RFX2: variants seen among roughly 807,000 people sequenced by gnomAD.
RFX2 encodes regulatory factor X2.
RFX2 carries 20 observed loss-of-function variants against 87.8 expected under a neutral mutation model. The observed-to-expected ratio is 0.23, with a 90% CI of 0.16 to 0.33. The LOEUF is 0.33. RFX2 is among the 10% of genes least tolerant of loss of function. The pLI is 1.00. For synonymous variants in RFX2, 397 were observed against 431.3 expected (o/e 0.92, Z 0.98); for missense variants, 767 against 1,012.3 (o/e 0.76, Z 3.29).
rs1036726223 is a variant in RFX2, at chr19:6,047,558, C to A, written c.-8-54G>T. ...GGCAAGGGCTGCAAGCACTGAAATC[C>A]GAAGAGGCAACTAACAAGTTCAAGG... On this transcript the variant is annotated intron_variant, in intron 1 of 17. Coordinates refer to ENST00000303657, the MANE Select transcript of RFX2 (RefSeq NM_000635.4). The surrounding 1 kb of genome is among the most constrained non-coding windows in gnomAD (Gnocchi z 4.2). 1.4e-6 allele frequency: 2 copies of A among 1,417,308 alleles called. No homozygotes were observed. The highest frequency in any genetic ancestry group is 2.0e-6 in the Non-Finnish European group (2 of 1,023,626). 87.8% of individuals were successfully genotyped at this position (1,417,308 alleles called of 1,614,324 possible).
chr19:6,067,855 C>T (rs2087535797), intron 1 of RFX2: 1 of 152,176 alleles, frequency 6.6e-6, no homozygotes, highest in Non-Finnish European at 1.5e-5. Flanking sequence ...ACCAAGCATA[C>T]CTTTCAAGGA....
chr19:6,014,725 C>T (rs2086702358), intron 7 of RFX2, among the ~76,000 whole-genome samples: 1 of 152,182 alleles, frequency 6.6e-6, no homozygotes, highest in Non-Finnish European at 1.5e-5. Context: ...CCCCAGAGAC[C>T]AGGCTTCCCT....
At chr19:6,059,998 C>T (rs561693406) in intron 1 of RFX2, among the ~76,000 whole-genome samples, 185 of 152,304 alleles carry the variant, frequency 1.2e-3, no homozygotes, top group African/African-American at 4.4e-3. Flanking sequence ...ACACACATGC[C>T]TTTGGGAGAA....
At chr19:6,018,261 C>T (rs1167751486) in intron 6 of RFX2, among the ~76,000 whole-genome samples, 1 of 152,310 alleles carries the variant, frequency 6.6e-6, no homozygotes, top group African/African-American at 2.4e-5. Flanking sequence ...TGAGCCACCG[C>T]GCCCGGCCTT....
chr19:6,024,621 G>C lies in RFX2; in HGVS notation c.597+1542C>G, dbSNP rs2086861200. Among the ~76,000 whole-genome samples the C allele has an allele frequency of 6.6e-6, 1 of 152,228 alleles. No homozygotes were observed. The highest frequency in any genetic ancestry group is 6.5e-5 in the Admixed American group (1 of 15,284). ...ACCCATAACCCAGGTTTCTGGACCT[G>C]TCCTACATCACTTTCTGCCCCCAGA... On this transcript the variant is annotated intron_variant, in intron 6 of 17. Coordinates refer to ENST00000303657, the MANE Select transcript of RFX2 (RefSeq NM_000635.4). This position sits in a 1 kb window ranked among gnomAD's most constrained non-coding sequence, Gnocchi z 5.0.
chr19:5,998,755 C>T lies in RFX2; in HGVS notation c.1860-1542G>A, dbSNP rs1328825309. ...GTATTTCCAGAACATCGCCTGCGGT[C>T]ACCCCGGTATCTCTGGGTTCCCAAA... On this transcript the variant is annotated intron_variant, in intron 15 of 17. Transcript: ENST00000303657. This position sits in a 1 kb window ranked among gnomAD's most constrained non-coding sequence, Gnocchi z 4.2. 6.6e-6 allele frequency among the ~76,000 whole-genome samples: 1 copy of T among 152,186 alleles called. No homozygotes were observed. Among genetic ancestry groups the T allele is most frequent in the Non-Finnish European group, 1.5e-5 (1 of 68,034 alleles).
At chr19:6,037,265 C>T (rs1212209057) in intron 5 of RFX2, among the ~76,000 whole-genome samples, 2 of 138,244 alleles carry the variant, frequency 1.4e-5, no homozygotes, top group East Asian at 2.1e-4. Context: ...GCCTGGGCGA[C>T]AGAGAGAGAC....
At chr19:6,086,327 C>T (rs562795540) in intron 1 of RFX2, among the ~76,000 whole-genome samples, 1 of 152,130 alleles carries the variant, frequency 6.6e-6, no homozygotes, top group Non-Finnish European at 1.5e-5. Context: ...GTGATACTTA[C>T]AGAAACCTAG....
chr19:6,075,040 C>A (rs755331455), intron 1 of RFX2, among the ~76,000 whole-genome samples: 12 of 152,024 alleles, frequency 7.9e-5, no homozygotes, highest in Non-Finnish European at 1.5e-4. Context: ...CTCTGGCTTC[C>A]CACCATGTGA....
Position 6,028,598 on chromosome 19 carries a change from C to T in RFX2, c.523-2361G>A, listed in dbSNP as rs544215898. On this transcript the variant is annotated intron_variant, in intron 5 of 17. Coordinates refer to ENST00000303657, the MANE Select transcript of RFX2 (RefSeq NM_000635.4). ...ATGGCAGAGTAAGGAACTCTAGAACCCATCCCTTCACAAAAGCAGTCAAAA... is the reference window on the plus strand; with the variant it reads ...ATGGCAGAGTAAGGAACTCTAGAACTCATCCCTTCACAAAAGCAGTCAAAA... Among the ~76,000 whole-genome samples, 5 of 152,178 alleles carry T rather than the reference C, an allele frequency of 3.3e-5. No homozygotes were observed. In the East Asian group the frequency reaches 9.6e-4, roughly 29 times the overall value.
chr19:6,081,435 A>G (rs1420928295), intron 1 of RFX2, among the ~76,000 whole-genome samples: 1 of 152,272 alleles, frequency 6.6e-6, no homozygotes, highest in East Asian at 1.9e-4. Flanking sequence ...CACTAAGCCC[A>G]TTGCATGAAG....
chr19:6,106,631 C>T (rs78846755), intron 1 of RFX2, among the ~76,000 whole-genome samples: 4,105 of 152,176 alleles, frequency 0.027, 140 homozygotes, highest in African/African-American at 0.079. Context: ...GACAGGCCCA[C>T]AGACTCGCAT....
chr19:6,001,859 G>C lies in RFX2; in HGVS notation c.1815C>G (p.Phe605Leu). The part of the protein sequence containing the change: ...VLKQHAGSPS[F>L]PKAARQFLLK... ...GCAAGAACTGCCGGGCGGCCTTGGG[G>C]AAGCTGGGGCTGCCGGCATGCTGCT... The change falls in exon 15 of 18, where the codon TTC (phenylalanine) becomes TTG (leucine). Residue 605 changes from phenylalanine (F) to leucine (L), a missense_variant. Physicochemically the swap from Phe to Leu is conservative, Grantham distance 22. Transcript: ENST00000303657. This position sits in a 1 kb window ranked among gnomAD's most constrained non-coding sequence, Gnocchi z 5.6. The C allele has an allele frequency of 6.2e-7, 1 of 1,613,136 alleles. No homozygotes were observed. Among genetic ancestry groups the C allele is most frequent in the African/African-American group, 1.3e-5 (1 of 75,054 alleles).
chr19:6,007,692 G>A lies in RFX2; in HGVS notation c.1245C>T (p.Ala415=). The A allele has an allele frequency of 6.5e-7, 1 of 1,545,718 alleles. No homozygotes were observed. Among genetic ancestry groups the A allele is most frequent in the Non-Finnish European group, 8.8e-7 (1 of 1,140,816 alleles). The change falls in exon 11 of 18, where the codon GCC becomes GCT. Residue 415 remains alanine (A), a splice_region_variant and synonymous_variant. Coordinates refer to ENST00000303657, the MANE Select transcript of RFX2 (RefSeq NM_000635.4). This position sits in a 1 kb window ranked among gnomAD's most constrained non-coding sequence, Gnocchi z 8.2. The part of the protein sequence containing the change: ...SSSDGPTSLP[A]SDEDPEGAVL... ...CCCAGCCAGGGTGTGGCAGTCACCT[G>A]GCAGGAAGAGAGGTGGGGCCGTCGC...
intron 5 of RFX2, among the ~76,000 whole-genome samples, chr19:6,029,070 C>A: frequency 7.5e-6 from 1 of 133,148 alleles, no homozygotes. Flanking sequence ...CAGAGTGAGA[C>A]TGTCTCAAAA....
rs890978251 is a variant in RFX2, at chr19:6,063,445, G to A, written c.-8-15941C>T. On this transcript the variant is annotated intron_variant, in intron 1 of 17. Transcript: ENST00000303657. The surrounding 1 kb of genome is among the most constrained non-coding windows in gnomAD (Gnocchi z 4.0). Reference sequence around the variant, plus strand: ...GGCACTGGTGTCTCCTGCACACAACGCAGGGAGGGTGAGGATGGGGTCCAT... The same window carrying A: ...GGCACTGGTGTCTCCTGCACACAACACAGGGAGGGTGAGGATGGGGTCCAT... 6.6e-6 allele frequency among the ~76,000 whole-genome samples: 1 copy of A among 152,184 alleles called. No individual in the cohort carries two copies. The highest frequency in any genetic ancestry group is 2.4e-5 in the African/African-American group (1 of 41,442).
intron 1 of RFX2, among the ~76,000 whole-genome samples, chr19:6,059,288 A>T (rs2087394203): frequency 6.6e-6 from 1 of 152,076 alleles, no homozygotes; most frequent in South Asian, 2.1e-4. Flanking sequence ...CCTTGATTTG[A>T]CTATTAATAT....
At chr19:6,098,855 T>A (rs979904889) in intron 1 of RFX2, among the ~76,000 whole-genome samples, 2 of 151,844 alleles carry the variant, frequency 1.3e-5, no homozygotes, top group African/African-American at 4.8e-5. Flanking sequence ...TGTAACTCTG[T>A]TAATTCTCTG....
Position 5,993,679 on chromosome 19 carries a change from A to C in RFX2, c.*1156T>G, listed in dbSNP as rs1489137095. ...TCTCTGCAGTTGGTTTGGGGACAGA[A>C]CTCCAGCACGCAGCTGTCCAACTGC... On this transcript the variant is annotated 3_prime_UTR_variant, in exon 18 of 18. Transcript: ENST00000303657. The C allele has an allele frequency of 2.6e-5, 4 of 152,234 alleles. No homozygotes were observed. The highest frequency in any genetic ancestry group is 4.1e-4 in the South Asian group (2 of 4,820). 9.4% of individuals were successfully genotyped at this position (152,234 alleles called of 1,614,324 possible). A position where few individuals can be genotyped will look rare whatever the true frequency, so the allele number is the denominator to read the frequency against.
Sources: allele counts gnomAD v4.1 joint callset (sites outside exome capture counted in the v4.1 genomes callset), GRCh38; gene constraint gnomAD v4.1.1; non-coding constraint Gnocchi (gnomAD v3.1); transcripts MANE v1.5; gene names NCBI Gene and HGNC (gene_info 2026-07-23, HGNC 2026-07-21).